ETS1: variants seen among roughly 807,000 people sequenced by gnomAD.
ETS1 encodes the protein ETS proto-oncogene 1, transcription factor.
Under a neutral mutation model 58.6 loss-of-function variants are expected in ETS1, and 15 were observed. The observed-to-expected ratio is 0.26, with a 90% confidence interval of 0.17 to 0.39. The LOEUF (loss-of-function observed/expected upper bound fraction) is 0.39, where lower values mean the gene tolerates loss of function less well. Among genes scored for constraint, ETS1 ranks in the 10% least tolerant of loss-of-function variants. The pLI is 1.00. For missense variants in ETS1, 417 were observed against 610.5 expected (o/e 0.68, Z 3.34); for synonymous variants, 214 against 218.2 (o/e 0.98, Z 0.17).
intron 2 of ETS1, among the ~76,000 whole-genome samples, chr11:128,567,396 T>C (rs1225353963): frequency 6.6e-6 from 1 of 152,236 alleles, no homozygotes; most frequent in Non-Finnish European, 1.5e-5. Context: ...AATATTTTAT[T>C]CTGTATAGTG....
chr11:128,518,387 C>G (rs978199539), intron 3 of ETS1, among the ~76,000 whole-genome samples: 19 of 152,318 alleles, frequency 1.2e-4, no homozygotes, highest in African/African-American at 4.6e-4. Context: ...TTTTTGTTGA[C>G]TTGCTCTGTA....
chr11:128,462,637 A>G (rs1661725478), intron 9 of ETS1, 61 bp from the exon 10 acceptor site: 1 of 1,314,428 alleles, frequency 7.6e-7, no homozygotes, highest in Non-Finnish European at 1.1e-6. Flanking sequence ...CAGGCCAAAT[A>G]TATATGTTTC....
At chr11:128,573,883 G>A (rs748648643) in intron 1 of ETS1, among the ~76,000 whole-genome samples, 8 of 152,120 alleles carry the variant, frequency 5.3e-5, no homozygotes, top group Non-Finnish European at 7.3e-5. Context: ...TTAATACTAT[G>A]CATTTAAAAA....
chr11:128,560,344 C>G (rs1864385272), intron 2 of ETS1, among the ~76,000 whole-genome samples: 1 of 152,194 alleles, frequency 6.6e-6, no homozygotes, highest in Non-Finnish European at 1.5e-5. Context: ...AATTCCTGCC[C>G]TCAGGTAATC....
chr11:128,548,133 A>AAGGAAAGGAAAGGAAAGGAG, intron 3 of ETS1, among the ~76,000 whole-genome samples: 1 of 116,768 alleles, frequency 8.6e-6, no homozygotes, highest in Admixed American at 7.8e-5. Context: ...AAGGAAAGGA[A>AAGGAAAGGAAAGGAAAGGAG]AGGGAAGGGA....
rs147134811 is a variant in ETS1 at position 128,517,200 on chromosome 11, CA to C, written c.215-26625del. ...AACAATGAGGCCACCTGATTCAGCT[CA>C]GGGGGCTCTTGCAGAGATAGCAGGG... is the stretch of plus-strand genomic sequence containing the variant. On this transcript the variant is annotated intron_variant, in intron 3 of 9. Transcript: ENST00000392668. Among the ~76,000 whole-genome samples the C allele has an allele frequency of 5.9e-5, 9 of 152,342 alleles. No homozygotes were observed. The East Asian group carries it at 1.5e-3, about 26-fold the overall frequency.
intron 3 of ETS1, among the ~76,000 whole-genome samples, chr11:128,514,402 GT>G (rs34673369): frequency 0.057 from 8,674 of 151,996 alleles, 338 homozygotes; most frequent in East Asian, 0.15. Context: ...CTACAAGTAA[GT>G]TTTTTTTCCT....
chr11:128,530,782 G>T (rs957626220), intron 3 of ETS1, among the ~76,000 whole-genome samples: 1 of 152,116 alleles, frequency 6.6e-6, no homozygotes, highest in African/African-American at 2.4e-5. Flanking sequence ...TTAAAATTCT[G>T]AATAATTGTT....
At chr11:128,503,431 T>C (rs1182312059) in intron 3 of ETS1, among the ~76,000 whole-genome samples, 2 of 152,112 alleles carry the variant, frequency 1.3e-5, no homozygotes, top group Non-Finnish European at 2.9e-5. Context: ...ATGCTCAGGG[T>C]CCAGACCATC....
At position 128,556,266 on chromosome 11, in the gene ETS1, T is replaced by C. The variant is rs759551053; in HGVS notation, c.214+25A>G. The C allele has an allele frequency of 1.9e-6, 3 of 1,588,262 alleles. No individual in the cohort carries two copies. The African/African-American group carries it at 4.1e-5, about 22-fold the overall frequency. On this transcript the variant is annotated intron_variant, in intron 3 of 9. Transcript: ENST00000392668. ...CATTGTCCTTCAACTCTATCCTCAT[T>C]CCCAGCTTTTGTTTATGTTCCTACC...
Position 128,573,059 on chromosome 11 carries a change from C to T in ETS1, c.69+3G>A. 6.2e-7 allele frequency: 1 copy of T among 1,602,764 alleles called. No individual in the cohort carries two copies. The highest frequency in any genetic ancestry group is 8.5e-7 in the Non-Finnish European group (1 of 1,174,730). On this transcript the variant is annotated splice_donor_region_variant and intron_variant, in intron 2 of 9. Transcript: ENST00000392668. ...AAGGGGCAGGGAAGGGGCCACCACT[C>T]ACCACCACTGCAGGACGAGGCGCTG...
At chr11:128,544,692 A>G (rs1864106277) in intron 3 of ETS1, among the ~76,000 whole-genome samples, 2 of 147,672 alleles carry the variant, frequency 1.4e-5, no homozygotes, top group Admixed American at 6.7e-5. Context: ...CAGGAAAAGG[A>G]AAAAAAAAAT....
At chr11:128,576,208 T>C (rs368145841) in intron 1 of ETS1, among the ~76,000 whole-genome samples, 111 of 152,300 alleles carry the variant, frequency 7.3e-4, no homozygotes, top group African/African-American at 2.6e-3. Context: ...CAGAAATGGA[T>C]TGCTGCTTTA....
At position 128,566,558 on chromosome 11, in the gene ETS1, C is replaced by A. The variant is rs575597882; in HGVS notation, c.69+6504G>T. Among the ~76,000 whole-genome samples the A allele has an allele frequency of 5.9e-5, 9 of 152,184 alleles. No homozygotes were observed. In the South Asian group the frequency reaches 1.9e-3, roughly 32 times the overall value. On this transcript the variant is annotated intron_variant, in intron 2 of 9. Transcript: ENST00000392668. Reference sequence around the variant, plus strand: ...CAGCACTTTGGGAGGCTAAGGTGGGCAGATCACGAGGTCAGGAGATCGAGA... The same window carrying A: ...CAGCACTTTGGGAGGCTAAGGTGGGAAGATCACGAGGTCAGGAGATCGAGA...
At chr11:128,560,968 A>T (rs557318957) in intron 2 of ETS1, among the ~76,000 whole-genome samples, 65 of 152,170 alleles carry the variant, frequency 4.3e-4, no homozygotes, top group Non-Finnish European at 7.5e-4. Flanking sequence ...ACATGAGCAA[A>T]AGAAGAGGAA....
chr11:128,470,309 T>A (rs183969724), intron 8 of ETS1, among the ~76,000 whole-genome samples: 14 of 152,332 alleles, frequency 9.2e-5, no homozygotes, highest in African/African-American at 2.9e-4. Flanking sequence ...GACGGCATCC[T>A]ATAAAATTAA....
In ETS1 at chr11:128,460,360, T is replaced by C. The variant is rs772424268; in HGVS notation, c.*2001A>G. 4.6e-5 allele frequency: 7 copies of C among 152,920 alleles called. No individual in the cohort carries two copies. Among genetic ancestry groups the C allele is most frequent in the African/African-American group, 1.7e-4 (7 of 41,570 alleles). 9.5% of individuals were successfully genotyped at this position (152,920 alleles called of 1,614,324 possible). ...CAATTCATCAGTATGGGGACACTCA[T>C]GAATCACAGAGCTATGTTCCTGATA... On this transcript the variant is annotated 3_prime_UTR_variant, in exon 10 of 10. Transcript: ENST00000392668.
rs779613985 is a variant in ETS1, at chr11:128,521,899, C to A, written c.215-31323G>T. 10 of 1,588,808 alleles carry A rather than the reference C, an allele frequency of 6.3e-6. No homozygotes were observed. In the South Asian group the frequency reaches 1.1e-4, roughly 18 times the overall value. On this transcript the variant is annotated intron_variant, in intron 3 of 9. Coordinates refer to ENST00000392668, the MANE Select transcript of ETS1 (RefSeq NM_001143820.2). ...CCGAGAGCTTGGGTGGGGGCCTCGG[C>A]CGTCGCCACTCACCCGGGGAGGGGA...
intron 3 of ETS1, among the ~76,000 whole-genome samples, chr11:128,544,811 G>A (rs1864108196): frequency 6.6e-6 from 1 of 152,150 alleles, no homozygotes; most frequent in Non-Finnish European, 1.5e-5. Context: ...CCTTTTGATA[G>A]TAAAACCCAC....
Sources: allele counts gnomAD v4.1 joint callset (sites outside exome capture counted in the v4.1 genomes callset), GRCh38; gene constraint gnomAD v4.1.1; transcripts MANE v1.5; gene names NCBI Gene and HGNC (gene_info 2026-07-23, HGNC 2026-07-21).